NXPH1: variants seen among roughly 807,000 people sequenced by gnomAD.
NXPH1 encodes neurexophilin-1.
NXPH1 carries 5 observed loss-of-function variants against 23.7 expected under a neutral mutation model. That is an observed-to-expected ratio of 0.21 (90% CI 0.11 to 0.44). NXPH1 has a LOEUF of 0.44. NXPH1 is among the 20% of genes least tolerant of loss of function. The probability of loss-of-function intolerance (pLI) is 0.99; values close to 1 mark genes in which losing one functional copy is unlikely to be tolerated. For missense variants in NXPH1, 324 were observed against 321.6 expected (o/e 1.01, Z -0.06); for synonymous variants, 144 against 122.2 (o/e 1.18, Z -1.18).
At chr7:8,535,850 G>A (rs35577848) in intron 2 of NXPH1, among the ~76,000 whole-genome samples, 7,756 of 152,026 alleles carry the variant, frequency 0.051, 286 homozygotes, top group Non-Finnish European at 0.081. Context: ...AAGGCAATAC[G>A]TGGTGGCAGA....
At chr7:8,476,950 C>T (rs945666226) in intron 2 of NXPH1, among the ~76,000 whole-genome samples, 3 of 152,108 alleles carry the variant, frequency 2.0e-5, no homozygotes, top group Admixed American at 6.5e-5. Context: ...TACTTGCCTT[C>T]AAATTTATTT....
At chr7:8,558,162 T>G (rs1818390289) in intron 2 of NXPH1, among the ~76,000 whole-genome samples, 1 of 151,736 alleles carries the variant, frequency 6.6e-6, no homozygotes, top group African/African-American at 2.4e-5. Flanking sequence ...TACAATTAGG[T>G]TTTATATGGG....
At chr7:8,617,359 G>A (rs941587671) in intron 2 of NXPH1, among the ~76,000 whole-genome samples, 1 of 152,168 alleles carries the variant, frequency 6.6e-6, no homozygotes, top group African/African-American at 2.4e-5. Flanking sequence ...GCACTCCTAT[G>A]TTTGTTGCAT....
At chr7:8,698,885 C>G (rs970434449) in intron 2 of NXPH1, among the ~76,000 whole-genome samples, 3 of 152,032 alleles carry the variant, frequency 2.0e-5, no homozygotes, top group African/African-American at 7.2e-5. Context: ...TCTCTAAAGC[C>G]CATATTCATT....
intron 2 of NXPH1, among the ~76,000 whole-genome samples, chr7:8,569,465 G>A (rs986167591): frequency 1.1e-4 from 16 of 151,854 alleles, no homozygotes; most frequent in African/African-American, 3.9e-4. Context: ...ACTATTTTAA[G>A]ATATCTGTTA....
chr7:8,635,580 T>C (rs1583208283), intron 2 of NXPH1, among the ~76,000 whole-genome samples: 1 of 152,178 alleles, frequency 6.6e-6, no homozygotes, highest in Non-Finnish European at 1.5e-5. Flanking sequence ...TCAAGATAGA[T>C]ATGTTAGATA....
At chr7:8,668,014 T>C (rs1305257859) in intron 2 of NXPH1, among the ~76,000 whole-genome samples, 1 of 151,780 alleles carries the variant, frequency 6.6e-6, no homozygotes, top group Non-Finnish European at 1.5e-5. Context: ...TGTTGTTTAG[T>C]TCATTATATT....
At chr7:8,492,036 C>T (rs190911197) in intron 2 of NXPH1, among the ~76,000 whole-genome samples, 61 of 152,032 alleles carry the variant, frequency 4.0e-4, no homozygotes, top group Admixed American at 1.2e-3. Flanking sequence ...CCAGAGGTAT[C>T]GATCTTTTTC....
intron 2 of NXPH1, among the ~76,000 whole-genome samples, chr7:8,543,685 C>T (rs553833246): frequency 4.0e-5 from 6 of 151,574 alleles, no homozygotes; most frequent in African/African-American, 1.2e-4. Flanking sequence ...TGCACAGTAT[C>T]TAATCCTTCT....
At chr7:8,620,024 T>C (rs1819831134) in intron 2 of NXPH1, among the ~76,000 whole-genome samples, 1 of 152,136 alleles carries the variant, frequency 6.6e-6, no homozygotes, top group East Asian at 1.9e-4. Context: ...CGTACTGCTG[T>C]GCTGTAATGT....
chr7:8,477,477 A>T (rs142945398), intron 2 of NXPH1, among the ~76,000 whole-genome samples: 203 of 152,180 alleles, frequency 1.3e-3, no homozygotes, highest in African/African-American at 4.6e-3. Context: ...ATGGCAATAA[A>T]TTTTCTTTCT....
intron 2 of NXPH1, among the ~76,000 whole-genome samples, chr7:8,677,969 T>C (rs1392935909): frequency 6.6e-6 from 1 of 151,946 alleles, no homozygotes; most frequent in African/African-American, 2.4e-5. Context: ...TATAACTATA[T>C]ATGGTTATAA....
At chr7:8,609,647 A>T (rs1162173727) in intron 2 of NXPH1, among the ~76,000 whole-genome samples, 1 of 152,190 alleles carries the variant, frequency 6.6e-6, no homozygotes, top group Non-Finnish European at 1.5e-5. Flanking sequence ...CAAAAATCCC[A>T]TCACTTGTGT....
At chr7:8,520,509 C>T (rs368500399) in intron 2 of NXPH1, among the ~76,000 whole-genome samples, 31 of 152,240 alleles carry the variant, frequency 2.0e-4, no homozygotes, top group African/African-American at 3.6e-4. Context: ...AAGTCCGACA[C>T]GGTAGGAAAG....
intron 2 of NXPH1, among the ~76,000 whole-genome samples, chr7:8,604,171 C>G (rs1388429320): frequency 6.6e-6 from 1 of 152,114 alleles, no homozygotes; most frequent in African/African-American, 2.4e-5. Context: ...TCATGTACTA[C>G]TTGGTACATT....
intron 2 of NXPH1, among the ~76,000 whole-genome samples, chr7:8,577,976 C>T (rs906231569): frequency 1.3e-5 from 2 of 152,148 alleles, no homozygotes; most frequent in Non-Finnish European, 2.9e-5. Flanking sequence ...GCAGTCCCAG[C>T]GGACCTCAGA....
intron 2 of NXPH1, among the ~76,000 whole-genome samples, chr7:8,687,791 T>C (rs546093353): frequency 3.9e-5 from 6 of 152,288 alleles, no homozygotes; most frequent in South Asian, 2.1e-4. Flanking sequence ...ATCATTGTCA[T>C]TGATACTACT....
chr7:8,491,100 A>T (rs1054468316), intron 2 of NXPH1, among the ~76,000 whole-genome samples: 1 of 151,954 alleles, frequency 6.6e-6, no homozygotes, highest in Non-Finnish European at 1.5e-5. Flanking sequence ...CTTCCTCATC[A>T]GTGTAGCTTG....
In NXPH1 at chr7:8,752,066, G is replaced by A; in HGVS notation, c.*297G>A. 1 of 281,850 alleles carries A rather than the reference G, an allele frequency of 3.5e-6. No individual in the cohort carries two copies. Among genetic ancestry groups the A allele is most frequent in the Non-Finnish European group, 6.8e-6 (1 of 147,668 alleles). The allele number at this position is 281,850 out of a possible 1,614,324, so 17.5% of individuals were successfully genotyped here. On this transcript the variant is annotated 3_prime_UTR_variant, in exon 3 of 3. Transcript: ENST00000405863. ...GCACATTTCAGCTTGCGTCTATCAT[G>A]ATTCCTGTTGAGAGGGCTTTCATTG... is the stretch of plus-strand genomic sequence containing the variant.
Sources: gnomAD v4.1 joint callset for allele counts (sites outside exome capture counted in the v4.1 genomes callset) on GRCh38, gnomAD v4.1.1 for gene constraint, MANE v1.5 for transcripts, NCBI Gene and HGNC (gene_info 2026-07-23, HGNC 2026-07-21) for gene names.